The following STAC variants were observed in gnomAD, a reference collection of about 807,000 sequenced individuals.
STAC encodes SH3 and cysteine-rich domain-containing protein.
In STAC, 43 loss-of-function variants were observed where a neutral mutation model predicts 48.8. The observed-to-expected ratio is 0.88, with a 90% CI of 0.69 to 1.14. The LOEUF (loss-of-function observed/expected upper bound fraction) is 1.14. Among genes scored for constraint, STAC ranks in the 50% most tolerant of loss-of-function variants. The pLI, the probability that STAC is intolerant of heterozygous loss-of-function variation, is 0.00. For missense variants in STAC, 497 were observed against 504.0 expected (o/e 0.99, Z 0.13); for synonymous variants, 193 against 179.5 (o/e 1.07, Z -0.60).
chr3:36,404,826 G>A (rs7636993), intron 1 of STAC, among the ~76,000 whole-genome samples: 11,764 of 151,888 alleles, frequency 0.077, 664 homozygotes, highest in Non-Finnish European at 0.12. Flanking sequence ...GGAATTATAC[G>A]CACCAAACTG....
intron 2 of STAC, among the ~76,000 whole-genome samples, chr3:36,482,344 G>A (rs944389134): frequency 6.6e-6 from 1 of 152,174 alleles, no homozygotes; most frequent in Non-Finnish European, 1.5e-5. Context: ...AAGATACCAG[G>A]ATGGCTCTCT....
chr3:36,452,519 C>A, intron 2 of STAC, among the ~76,000 whole-genome samples: 1 of 152,114 alleles, frequency 6.6e-6, no homozygotes, highest in Non-Finnish European at 1.5e-5. Flanking sequence ...AAGCCCGGGA[C>A]CTATTTAATA....
At chr3:36,525,069 T>C (rs187890955) in intron 8 of STAC, among the ~76,000 whole-genome samples, 1 of 152,244 alleles carries the variant, frequency 6.6e-6, no homozygotes, top group Admixed American at 6.5e-5. Context: ...ATTTATTAAG[T>C]TTTTTTATCT....
intron 2 of STAC, among the ~76,000 whole-genome samples, chr3:36,468,890 T>A (rs1314265411): frequency 6.6e-6 from 1 of 151,900 alleles, no homozygotes; most frequent in East Asian, 1.9e-4. Flanking sequence ...TTGTTTTGTC[T>A]TATGTAAGAA....
intron 1 of STAC, among the ~76,000 whole-genome samples, chr3:36,433,771 G>A (rs1410396711): frequency 6.6e-6 from 1 of 152,210 alleles, no homozygotes; most frequent in Non-Finnish European, 1.5e-5. Context: ...AAGCCAAGGA[G>A]CTTGAGAGAC....
chr3:36,495,917 A>G (rs1698142362), intron 6 of STAC, among the ~76,000 whole-genome samples: 1 of 152,362 alleles, frequency 6.6e-6, no homozygotes, highest in East Asian at 1.9e-4. Flanking sequence ...CAGGATCTGC[A>G]TATGAATCTG....
chr3:36,478,884 C>T (rs1335559179), intron 2 of STAC, among the ~76,000 whole-genome samples: 1 of 152,164 alleles, frequency 6.6e-6, no homozygotes, highest in Non-Finnish European at 1.5e-5. Context: ...CCATCTTGGC[C>T]TCCCAAAGTC....
chr3:36,460,336 A>G (rs925703139), intron 2 of STAC, among the ~76,000 whole-genome samples: 3 of 152,336 alleles, frequency 2.0e-5, no homozygotes, highest in Admixed American at 2.0e-4. Flanking sequence ...ATAAAAAGAT[A>G]CAACACCCAG....
At chr3:36,390,585 C>A (rs964034533) in intron 1 of STAC, among the ~76,000 whole-genome samples, 1 of 147,952 alleles carries the variant, frequency 6.8e-6, no homozygotes, top group Non-Finnish European at 1.5e-5. Flanking sequence ...TTTTAATAAA[C>A]TCCCGGGTTT....
chr3:36,528,894 A>G lies in STAC; in HGVS notation c.1019A>G (p.Gln340Arg). 6.2e-7 allele frequency: 1 copy of G among 1,613,804 alleles called. No homozygotes were observed. Among genetic ancestry groups the G allele is most frequent in the Non-Finnish European group, 8.5e-7 (1 of 1,179,852 alleles). ...GGCTTCTTTCCAGCCAACTTTGTTC[A>G]GAGACTACAACAAAATGAGAAGATT... Reference protein sequence around the residue: ...RIGFFPANFVQRLQQNEKIFR... With the variant: ...RIGFFPANFVRRLQQNEKIFR... The change falls in exon 10 of 11, where the codon CAG (glutamine) becomes CGG (arginine). Residue 340 changes from glutamine (Q) to arginine (R), a missense_variant. Gln to Arg is a conservative substitution (Grantham distance 43). Coordinates refer to ENST00000273183, the MANE Select transcript of STAC (RefSeq NM_003149.3).
At position 36,536,314 on chromosome 3, in the gene STAC, C is replaced by CT. The variant is rs576731185; in HGVS notation, c.1110+7330dup. On this transcript the variant is annotated intron_variant, in intron 10 of 10. Coordinates refer to ENST00000273183, the MANE Select transcript of STAC (RefSeq NM_003149.3). ...GGCAACCTAAGCAAAAAGAACAAAG[C>CT]TGGAGGCATCCCGCTACCTGGCTTC... is the stretch of plus-strand genomic sequence containing the variant. 3.9e-5 allele frequency among the ~76,000 whole-genome samples: 6 copies of CT among 152,224 alleles called. No individual in the cohort carries two copies. In the South Asian group the frequency reaches 1.2e-3, roughly 32 times the overall value.
chr3:36,392,597 G>A (rs573883342), intron 1 of STAC, among the ~76,000 whole-genome samples: 5 of 152,156 alleles, frequency 3.3e-5, no homozygotes, highest in African/African-American at 9.6e-5. Flanking sequence ...TGAACTCCTA[G>A]GCTCAAGCAA....
intron 5 of STAC, among the ~76,000 whole-genome samples, chr3:36,490,649 C>T (rs902025644): frequency 5.9e-5 from 9 of 152,024 alleles, no homozygotes; most frequent in Admixed American, 2.0e-4. Flanking sequence ...GATGGCTGCT[C>T]CTGTGGTTCT....
At chr3:36,421,960 GA>G (rs1392982414) in intron 1 of STAC, among the ~76,000 whole-genome samples, 2 of 151,702 alleles carry the variant, frequency 1.3e-5, no homozygotes, top group East Asian at 1.9e-4. Flanking sequence ...TTTATTGAGA[GA>G]AAAAAAGTAG....
chr3:36,469,739 C>T (rs568682739), intron 2 of STAC, among the ~76,000 whole-genome samples: 465 of 152,140 alleles, frequency 3.1e-3, no homozygotes, highest in Middle Eastern at 6.8e-3. Flanking sequence ...ATGTCCCAAA[C>T]TTCTTGGAGT....
intron 5 of STAC, among the ~76,000 whole-genome samples, chr3:36,488,718 T>G (rs543984965): frequency 1.3e-5 from 2 of 152,164 alleles, no homozygotes; most frequent in Non-Finnish European, 2.9e-5. Flanking sequence ...ACCCTTAGTA[T>G]TTATCACCAG....
At chr3:36,541,439 G>A (rs560328189) in intron 10 of STAC, among the ~76,000 whole-genome samples, 1 of 152,184 alleles carries the variant, frequency 6.6e-6, no homozygotes, top group Non-Finnish European at 1.5e-5. Flanking sequence ...AGTTATCCTA[G>A]AACAGTGAGT....
Position 36,481,644 on chromosome 3 carries a change from C to A in STAC, c.389-1348C>A, listed in dbSNP as rs554691503. Among the ~76,000 whole-genome samples, 50 of 152,298 alleles carry A rather than the reference C, an allele frequency of 3.3e-4. No individual in the cohort carries two copies. In the South Asian group the frequency reaches 0.01, roughly 32 times the overall value. ...TCCTGTTGTCTCTCCAGGTTGTCAT[C>A]TTGCATAGCATTCTACATAATCCAT... On this transcript the variant is annotated intron_variant, in intron 2 of 10. Transcript: ENST00000273183.
At chr3:36,528,791 G>T in intron 9 of STAC, 44 bp downstream of exon 9, 1 of 1,598,802 alleles carries the variant, frequency 6.3e-7, no homozygotes, top group Non-Finnish European at 8.5e-7. Flanking sequence ...AAAATCATTT[G>T]GTAACTATTA....
Sources: gnomAD v4.1 joint callset for allele counts (sites outside exome capture counted in the v4.1 genomes callset) on GRCh38, gnomAD v4.1.1 for gene constraint, MANE v1.5 for transcripts, NCBI Gene and HGNC (gene_info 2026-07-23, HGNC 2026-07-21) for gene names.